The following EFCC1 variants were observed in gnomAD, a reference collection of about 807,000 sequenced individuals.
EFCC1 encodes EF-hand and coiled-coil domain containing 1.
A neutral mutation model predicts 52.1 loss-of-function variants in EFCC1; 50 were observed. That is an observed-to-expected ratio of 0.96 (90% CI 0.76 to 1.21). The LOEUF (loss-of-function observed/expected upper bound fraction) is 1.21, where lower values mean the gene tolerates loss of function less well. Ranked by LOEUF, EFCC1 falls within the 50% of genes most tolerant of loss-of-function variation. The pLI is 0.00. For missense variants in EFCC1, 837 were observed against 867.3 expected, an observed-to-expected ratio of 0.97 and a Z score of 0.44; for synonymous variants, 399 against 396.5, an observed-to-expected ratio of 1.01 and a Z score of -0.08.
chr3:129,018,446 A>C (rs1178013751), intron 2 of EFCC1, among the ~76,000 whole-genome samples: 2 of 152,266 alleles, frequency 1.3e-5, no homozygotes, highest in African/African-American at 4.8e-5. Context: ...CGATGAATAA[A>C]GTTTTATTGG....
Position 129,002,284 on chromosome 3 carries a change from C to T in EFCC1, c.656C>T (p.Ala219Val), listed in dbSNP as rs1294522367. The change falls in exon 1 of 8, where the codon GCC becomes GTC. Residue 219 changes from alanine (A) to valine (V), a missense_variant. Physicochemically the swap from Ala to Val is moderately conservative, Grantham distance 64 (BLOSUM62 0). Transcript: ENST00000683648. ...SLRELVEDLR[A>V]ALQSSDARCL... ...CGCGAGTTGGTGGAGGACCTGCGCG[C>T]CGCGCTGCAGAGCAGTGATGCGCGC... 15 of 1,528,952 alleles carry T rather than the reference C, an allele frequency of 9.8e-6. No individual in the cohort carries two copies. The highest frequency in any genetic ancestry group is 4.1e-4 in the Middle Eastern group (2 of 4,860). 94.7% of individuals were successfully genotyped at this position (1,528,952 alleles called of 1,614,324 possible).
chr3:129,036,128 C>G (rs1946351521), intron 5 of EFCC1, among the ~76,000 whole-genome samples: 1 of 152,212 alleles, frequency 6.6e-6, no homozygotes, highest in Admixed American at 6.5e-5. Context: ...TGTGGGCCAT[C>G]AGGAAATAAA....
At chr3:129,028,831 T>A (rs1278904596) in intron 2 of EFCC1, among the ~76,000 whole-genome samples, 1 of 151,998 alleles carries the variant, frequency 6.6e-6, no homozygotes, top group African/African-American at 2.4e-5. Context: ...TTAGTAGAGA[T>A]GGGGTTTCAC....
intron 4 of EFCC1, among the ~76,000 whole-genome samples, chr3:129,033,555 G>T (rs1013478569): frequency 3.3e-5 from 5 of 152,220 alleles, no homozygotes; most frequent in Non-Finnish European, 7.3e-5. Context: ...GAACGCCGGT[G>T]GGGGCAACAG....
At chr3:129,034,579 GC>G (rs1296610149) in intron 5 of EFCC1, among the ~76,000 whole-genome samples, 1 of 152,204 alleles carries the variant, frequency 6.6e-6, no homozygotes, top group East Asian at 1.9e-4. Flanking sequence ...GATGGTCTGG[GC>G]TTCAGGCACA....
At chr3:129,022,857 G>A (rs1006862958) in intron 2 of EFCC1, among the ~76,000 whole-genome samples, 3 of 152,208 alleles carry the variant, frequency 2.0e-5, no homozygotes, top group East Asian at 1.9e-4. Flanking sequence ...TGTGGGAGTC[G>A]CGGGCCGGAA....
At chr3:129,030,665 T>C (rs1946254340) in intron 2 of EFCC1, 38 bp from the exon 3 acceptor site, 1 of 1,544,478 alleles carries the variant, frequency 6.5e-7, no homozygotes, top group Non-Finnish European at 8.8e-7. Flanking sequence ...AGTCCTGTAC[T>C]CTCCTCCTCA....
intron 2 of EFCC1, among the ~76,000 whole-genome samples, chr3:129,018,037 G>A (rs879522871): frequency 3.3e-5 from 5 of 152,200 alleles, no homozygotes; most frequent in Admixed American, 3.3e-4. Context: ...ATAGTATGCA[G>A]TCCTGGCCAT....
chr3:129,016,619 C>T (rs1362015175), intron 2 of EFCC1, among the ~76,000 whole-genome samples: 1 of 152,036 alleles, frequency 6.6e-6, no homozygotes, highest in African/African-American at 2.4e-5. Flanking sequence ...CACAGGCCAC[C>T]TGCTTGTCAT....
At chr3:129,018,643 C>T (rs1945692337) in intron 2 of EFCC1, among the ~76,000 whole-genome samples, 1 of 152,160 alleles carries the variant, frequency 6.6e-6, no homozygotes. Flanking sequence ...CAATTCCAAC[C>T]TTGGGATTCC....
intron 2 of EFCC1, among the ~76,000 whole-genome samples, chr3:129,016,003 T>C (rs536329251): frequency 4.7e-4 from 72 of 152,196 alleles, no homozygotes; most frequent in Non-Finnish European, 9.3e-4. Context: ...TGCAGCTTCC[T>C]GAGACTTGCT....
chr3:129,002,759 C>G (rs1386980902), intron 1 of EFCC1: 1 of 173,030 alleles, frequency 5.8e-6, no homozygotes. Flanking sequence ...TAGGGATATC[C>G]CTGCCTCCTG....
chr3:129,038,237 G>A (rs1211596355), intron 6 of EFCC1, among the ~76,000 whole-genome samples: 2 of 152,212 alleles, frequency 1.3e-5, no homozygotes, highest in Non-Finnish European at 2.9e-5. Flanking sequence ...GCTGTGCCCT[G>A]TGCATTGGGC....
chr3:129,002,430 C>G (rs1944834994), intron 1 of EFCC1, 106 bp downstream of exon 1: 4 of 1,417,424 alleles, frequency 2.8e-6, no homozygotes, highest in Non-Finnish European at 3.7e-6. Flanking sequence ...GAAGGGGAGA[C>G]AGAGGGCAGC....
At chr3:129,027,845 T>C (rs964082117) in intron 2 of EFCC1, among the ~76,000 whole-genome samples, 7 of 151,876 alleles carry the variant, frequency 4.6e-5, no homozygotes, top group Non-Finnish European at 1.0e-4. Flanking sequence ...TCCCAGCTAC[T>C]TGGGAGGCTG....
In EFCC1 at chr3:129,033,023, G is replaced by C. The variant is rs1027046436; in HGVS notation, c.1286+57G>C. 4 of 1,440,760 alleles carry C rather than the reference G, an allele frequency of 2.8e-6. No individual in the cohort carries two copies. In the African/African-American group the frequency reaches 5.8e-5, roughly 21 times the overall value. 89.2% of individuals were successfully genotyped at this position (1,440,760 alleles called of 1,614,324 possible). ...GGCCGCAGGCTCCAGAGGTGTCTGGGGAAGCCAGGAGCACCTGGGAGGCTG... is the reference window on the plus strand; with the variant it reads ...GGCCGCAGGCTCCAGAGGTGTCTGGCGAAGCCAGGAGCACCTGGGAGGCTG... On this transcript the variant is annotated intron_variant, in intron 4 of 7. Coordinates refer to ENST00000683648, the MANE Select transcript of EFCC1 (RefSeq NM_001377500.1).
intron 6 of EFCC1, 124 bp from the exon 7 acceptor site, chr3:129,038,706 TG>T: frequency 1.1e-6 from 1 of 890,508 alleles, no homozygotes; most frequent in Non-Finnish European, 1.8e-6. Flanking sequence ...GCGATGAGGG[TG>T]GGGGAGGAGC....
At chr3:129,005,263 C>T (rs1945020928) in intron 2 of EFCC1, among the ~76,000 whole-genome samples, 1 of 152,240 alleles carries the variant, frequency 6.6e-6, no homozygotes, top group Middle Eastern at 3.4e-3. Flanking sequence ...AGCCTGCCCC[C>T]AAAGAAGTGA....
chr3:129,013,975 G>C (rs1331975231), intron 2 of EFCC1, among the ~76,000 whole-genome samples: 1 of 152,164 alleles, frequency 6.6e-6, no homozygotes, highest in Non-Finnish European at 1.5e-5. Context: ...TTGGGGGTGG[G>C]GGCTTTTCCG....
Sources: gnomAD v4.1 joint callset for allele counts (sites outside exome capture counted in the v4.1 genomes callset) on GRCh38, gnomAD v4.1.1 for gene constraint, MANE v1.5 for transcripts, NCBI Gene and HGNC (gene_info 2026-07-23, HGNC 2026-07-21) for gene names.